The following DHX16 variants were observed in gnomAD, a reference collection of about 807,000 sequenced individuals.
DHX16 encodes DEAH-box helicase 16, also known as pre-mRNA-splicing factor ATP-dependent RNA helicase DHX16.
DHX16 carries 81 observed loss-of-function variants against 131.2 expected under a neutral mutation model. The ratio of observed to expected loss-of-function variants is 0.62; its 90% CI spans 0.52 to 0.74. The LOEUF is 0.74. Ranked by LOEUF, DHX16 falls within the 30% of genes least tolerant of loss-of-function variation. The pLI is 0.00. For synonymous variants in DHX16, 440 were observed against 520.2 expected (o/e 0.85, Z 2.10); for missense variants, 980 against 1,363.1 (o/e 0.72, Z 4.43).
Position 30,671,039 on chromosome 6 carries a change from G to A in DHX16, c.443C>T (p.Thr148Ile). Residue 148 changes from threonine to isoleucine, a missense_variant, in exon 2 of 20, where the codon ACA becomes ATA. Around this residue, in one of 3 missense-constraint regions of DHX16, gnomAD observed 457 missense variants for 554.8 expected, o/e 0.82. Coordinates refer to ENST00000376442, the MANE Select transcript of DHX16 (RefSeq NM_003587.5). ...EEASEKGKKKTGGSKQQTEKP... is the reference protein window; with the variant it reads ...EEASEKGKKKIGGSKQQTEKP... The stretch of plus-strand genomic sequence containing the variant: ...TCTCACCCTGCTTCTGACTTACCCT[G>A]TTTTCTTCTTCCCTTTCTCAGAAGC... 5.6e-6 allele frequency: 9 copies of A among 1,613,010 alleles called. No individual in the cohort carries two copies. The highest frequency in any genetic ancestry group is 7.6e-6 in the Non-Finnish European group (9 of 1,180,004).
Position 30,656,841 on chromosome 6 carries a change from G to A in DHX16, c.2149-82C>T, listed in dbSNP as rs1048982345. Reference sequence around the variant, plus strand: ...AGTATTTATGCAAGAAATCTGGAAGGATGCAAACTGCTCATCCCGGTTCCC... The same window carrying A: ...AGTATTTATGCAAGAAATCTGGAAGAATGCAAACTGCTCATCCCGGTTCCC... On this transcript the variant is annotated intron_variant, in intron 13 of 19. Coordinates refer to ENST00000376442, the MANE Select transcript of DHX16 (RefSeq NM_003587.5). This position sits in a 1 kb window ranked among gnomAD's most constrained non-coding sequence, Gnocchi z 5.1. 5.8e-5 allele frequency: 93 copies of A among 1,596,744 alleles called. No homozygotes were observed. The highest frequency in any genetic ancestry group is 5.4e-4 in the Middle Eastern group (3 of 5,552).
rs770676613 is a variant in DHX16 at position 30,672,990 on chromosome 6, C to T, written c.-149G>A. The T allele has an allele frequency of 6.4e-7, 1 of 1,550,934 alleles. No individual in the cohort carries two copies. On this transcript the variant is annotated 5_prime_UTR_variant, in exon 1 of 20. Coordinates refer to ENST00000376442, the MANE Select transcript of DHX16 (RefSeq NM_003587.5). ...TCTAGGATCTTCCGACATCCCAAAG[C>T]TGTCTTCCCGTACCGCGGAGCCCGG...
At position 30,655,201 on chromosome 6, in the gene DHX16, G is replaced by A; in HGVS notation, c.2797C>T (p.Gln933Ter). The stretch of plus-strand genomic sequence containing the variant: ...TTGCGTACACGGATATAGTCCCCCT[G>A]GCAGGAACTGAGACCAACTTCCACA... ...ERVEVGLSSC[Q>*]GDYIRVRKAI... The change falls in exon 18 of 20, where the codon CAG becomes TAG. Residue 933 changes from glutamine (Q) to a stop codon, truncating the protein, a stop_gained. Transcript: ENST00000376442. LOFTEE classifies it high-confidence loss of function. 6.2e-7 allele frequency: 1 copy of A among 1,614,162 alleles called. No individual in the cohort carries two copies. The highest frequency in any genetic ancestry group is 1.3e-5 in the African/African-American group (1 of 75,040).
chr6:30,654,974 TAG>T, intron 18 of DHX16, 95 bp from the exon 19 acceptor site: 2 of 1,448,116 alleles, frequency 1.4e-6, no homozygotes, highest in Non-Finnish European at 1.9e-6. Flanking sequence ...TCAGGAAAAC[TAG>T]AGAGGTAAGG....
At position 30,656,064 on chromosome 6, in the gene DHX16, A is replaced by T. The variant is rs971482506; in HGVS notation, c.2498+134T>A. ...TTGTGGGCCTCAAAAGGGGGCAATC[A>T]GAGTTATCTAATACTTTATTATGTG... On this transcript the variant is annotated intron_variant, in intron 16 of 19. Coordinates refer to ENST00000376442, the MANE Select transcript of DHX16 (RefSeq NM_003587.5). The surrounding 1 kb of genome is among the most constrained non-coding windows in gnomAD (Gnocchi z 5.1). The T allele has an allele frequency of 6.6e-5, 58 of 876,672 alleles. No homozygotes were observed. Among genetic ancestry groups the T allele is most frequent in the Non-Finnish European group, 9.6e-5 (53 of 554,364 alleles). 54.3% of individuals were successfully genotyped at this position (876,672 alleles called of 1,614,324 possible). A position where few individuals can be genotyped will look rare whatever the true frequency, so the allele number is the denominator to read the frequency against.
rs1177472754 is a variant in DHX16 at position 30,655,457 on chromosome 6, A to G, written c.2639T>C (p.Val880Ala). ...GACCTGTGTGTAAACATTTAGCAGA[A>G]CCAGGTGGTCACCGCCAGGGAGAAA... ...NFFLPGGDHL[V>A]LLNVYTQWAE... Residue 880 changes from valine to alanine, a missense_variant, in exon 17 of 20, where the codon GTT (valine) becomes GCT (alanine). By Grantham distance (64) the Val-to-Ala change is moderately conservative. Transcript: ENST00000376442. The G allele has an allele frequency of 6.2e-6, 10 of 1,613,522 alleles. No individual in the cohort carries two copies. Among genetic ancestry groups the G allele is most frequent in the Non-Finnish European group, 8.5e-6 (10 of 1,180,032 alleles).
chr6:30,671,200 G>C lies in DHX16; in HGVS notation c.282C>G (p.Asn94Lys). 1 of 1,612,954 alleles carries C rather than the reference G, an allele frequency of 6.2e-7. No homozygotes were observed. Among genetic ancestry groups the C allele is most frequent in the Non-Finnish European group, 8.5e-7 (1 of 1,180,010 alleles). ...EREARALLEK[N>K]RSYRLLEDSE... Reference sequence around the variant, plus strand: ...TGTCTTCCAGTAACCTATAAGATCGGTTCTTCTCCAGCAGGGCCCGGGCCT... The same window carrying C: ...TGTCTTCCAGTAACCTATAAGATCGCTTCTTCTCCAGCAGGGCCCGGGCCT... Residue 94 changes from asparagine (N) to lysine (K), a missense_variant, in exon 2 of 20, where the codon AAC becomes AAG. This residue lies in a region of DHX16 where 457 missense variants were observed against 554.8 expected (regional missense o/e 0.82). Coordinates refer to ENST00000376442, the MANE Select transcript of DHX16 (RefSeq NM_003587.5).
At chr6:30,661,153 C>T (rs1276889473) in intron 9 of DHX16, among the ~76,000 whole-genome samples, 3 of 152,034 alleles carry the variant, frequency 2.0e-5, no homozygotes, top group Non-Finnish European at 4.4e-5. Context: ...TCTCGGCTCA[C>T]CGCAAGCTCC....
Position 30,672,818 on chromosome 6 carries a change from C to T in DHX16, c.24G>A (p.Glu8=). 1.9e-6 allele frequency: 3 copies of T among 1,612,592 alleles called. No individual in the cohort carries two copies. Among genetic ancestry groups the T allele is most frequent in the East Asian group, 2.2e-5 (1 of 44,884 alleles). MATPAGL[E]RWVQDELHSV... is the part of the protein sequence containing the mutation. ...AGTGCAGCTCGTCCTGAACCCAGCG[C>T]TCCAGACCCGCCGGCGTCGCCATGG... is the stretch of plus-strand genomic sequence containing the variant. Residue 8 remains glutamate, a synonymous_variant, in exon 1 of 20, where the codon GAG becomes GAA. Coordinates refer to ENST00000376442, the MANE Select transcript of DHX16 (RefSeq NM_003587.5).
chr6:30,656,837 G>T lies in DHX16; in HGVS notation c.2149-78C>A. On this transcript the variant is annotated intron_variant, in intron 13 of 19. Transcript: ENST00000376442. This position sits in a 1 kb window ranked among gnomAD's most constrained non-coding sequence, Gnocchi z 5.1. Reference sequence around the variant, plus strand: ...AGGCAGTATTTATGCAAGAAATCTGGAAGGATGCAAACTGCTCATCCCGGT... The same window carrying T: ...AGGCAGTATTTATGCAAGAAATCTGTAAGGATGCAAACTGCTCATCCCGGT... The T allele has an allele frequency of 6.3e-7, 1 of 1,599,528 alleles. No homozygotes were observed. Among genetic ancestry groups the T allele is most frequent in the Non-Finnish European group, 8.5e-7 (1 of 1,173,512 alleles).
At chr6:30,655,641 A>T (rs1561968570) in intron 16 of DHX16, 44 bp from the exon 17 acceptor site, 3 of 1,604,884 alleles carry the variant, frequency 1.9e-6, no homozygotes, top group South Asian at 1.1e-5. Context: ...CAAGACACAT[A>T]GGAACAGATA....
At chr6:30,667,281 A>G (rs1769130732) in intron 4 of DHX16, among the ~76,000 whole-genome samples, 1 of 152,128 alleles carries the variant, frequency 6.6e-6, no homozygotes, top group Non-Finnish European at 1.5e-5. Flanking sequence ...GGAATGACAG[A>G]ATCAAAAAAT....
intron 4 of DHX16, among the ~76,000 whole-genome samples, chr6:30,669,744 T>TAAAAAAAAAAAAAAAA (rs953317689): frequency 1.8e-5 from 2 of 113,822 alleles, no homozygotes. Context: ...AAAAAAGGTT[T>TAAAAAAAAAAAAAAAA]AAAAAAAAAA....
intron 1 of DHX16, 105 bp from the exon 2 acceptor site, chr6:30,671,379 C>G (rs1024379985): frequency 9.1e-7 from 1 of 1,094,754 alleles, no homozygotes; most frequent in East Asian, 2.4e-5. Context: ...TTCCTGCCCC[C>G]GCGGCCCGGC....
At position 30,655,566 on chromosome 6, in the gene DHX16, C is replaced by A; in HGVS notation, c.2530G>T (p.Ala844Ser). ...GAGTTGTTGACAGAGAGCATGGCAG[C>A]CACTGTCAGGATCTCCTCTGAACAG... ...YSCSEEILTV[A>S]AMLSVNNSIF... Residue 844 changes from alanine to serine, a missense_variant, in exon 17 of 20, where the codon GCT (alanine) becomes TCT (serine). Physicochemically the swap from Ala to Ser is moderately conservative, Grantham distance 99. Around this residue, in one of 3 missense-constraint regions of DHX16, gnomAD observed 214 missense variants for 271.2 expected, o/e 0.79. Transcript: ENST00000376442. 6.2e-7 allele frequency: 1 copy of A among 1,613,070 alleles called. No individual in the cohort carries two copies.
intron 12 of DHX16, 105 bp downstream of exon 12, chr6:30,659,367 G>A: frequency 1.6e-6 from 2 of 1,252,994 alleles, no homozygotes; most frequent in Admixed American, 2.2e-5. Flanking sequence ...CCTCAGCTGT[G>A]TGCAGCAGTG....
chr6:30,660,482 T>C (rs1353998153), intron 9 of DHX16: 5 of 415,486 alleles, frequency 1.2e-5, no homozygotes, highest in Non-Finnish European at 2.1e-5. Context: ...GGAGACAAGA[T>C]GTAGAGGCTG....
At chr6:30,667,772 G>A (rs1360107328) in intron 4 of DHX16, among the ~76,000 whole-genome samples, 3 of 151,998 alleles carry the variant, frequency 2.0e-5, no homozygotes, top group African/African-American at 4.8e-5. Flanking sequence ...GCACATCACC[G>A]CCCAAGAAGT....
chr6:30,657,033 C>G lies in DHX16; in HGVS notation c.2067G>C (p.Val689=). The change falls in exon 13 of 20, where the codon GTG becomes GTC. Residue 689 remains valine (V), a synonymous_variant. Coordinates refer to ENST00000376442, the MANE Select transcript of DHX16 (RefSeq NM_003587.5). The stretch of plus-strand genomic sequence containing the variant: ...TCTGCTTACAGAACCCTGGATCCAG[C>G]ACATAAATGATGCCCTCAATGGTGA... ...TSLTIEGIIY[V]LDPGFCKQKS... 1 of 1,613,064 alleles carries G rather than the reference C, an allele frequency of 6.2e-7. No individual in the cohort carries two copies. The highest frequency in any genetic ancestry group is 8.5e-7 in the Non-Finnish European group (1 of 1,180,022).
Sources: allele counts gnomAD v4.1 joint callset (sites outside exome capture counted in the v4.1 genomes callset), GRCh38; gene constraint gnomAD v4.1.1; regional missense constraint gnomAD v4.1.1; non-coding constraint Gnocchi (gnomAD v3.1); transcripts MANE v1.5; gene names NCBI Gene and HGNC (gene_info 2026-07-23, HGNC 2026-07-21).